Variants in FAS observed in about 807,000 individuals in gnomAD.
FAS encodes the protein tumor necrosis factor receptor superfamily member 6.
A neutral mutation model predicts 33.2 loss-of-function variants in FAS; 5 were observed. The ratio of observed to expected loss-of-function variants is 0.15; its 90% confidence interval spans 0.08 to 0.32. The LOEUF (loss-of-function observed/expected upper bound fraction) is 0.32. Among genes scored for constraint, FAS ranks in the 10% least tolerant of loss-of-function variants. FAS has a pLI of 1.00. For synonymous variants in FAS, 131 were observed against 130.7 expected, an observed-to-expected ratio of 1.00 and a Z score of -0.01; for missense variants, 339 against 386.0, an observed-to-expected ratio of 0.88 and a Z score of 1.02.
chr10:88,991,156 G>A, intron 1 of FAS: 1 of 595,018 alleles, frequency 1.7e-6, no homozygotes, highest in East Asian at 2.8e-5. Context: ...TGCTGACCCC[G>A]CTGGGCAGGC....
chr10:89,010,910 T>C, intron 6 of FAS, 95 bp downstream of exon 6: 1 of 1,402,424 alleles, frequency 7.1e-7, no homozygotes. Context: ...AGCTACCACT[T>C]TGGTAGATTT....
chr10:88,971,715 C>G (rs2133324361), intron 1 of FAS, among the ~76,000 whole-genome samples: 1 of 152,268 alleles, frequency 6.6e-6, no homozygotes, highest in South Asian at 2.1e-4. Flanking sequence ...GGAGTCCTAG[C>G]ATGTAATGGC....
At chr10:88,989,719 G>A (rs1847053577), upstream of FAS, 6 of 380,672 alleles carry the variant, frequency 1.6e-5, no homozygotes, top group South Asian at 9.9e-5. Context: ...AGTGGGCTAA[G>A]CAAAGGGTTA....
chr10:89,010,119 C>G (rs887861454), intron 4 of FAS, among the ~76,000 whole-genome samples: 4 of 152,184 alleles, frequency 2.6e-5, no homozygotes, highest in Non-Finnish European at 4.4e-5. Context: ...CCCTGAGCTA[C>G]ATCATGGGCG....
At chr10:88,967,982 A>G (rs1052287646) in intron 1 of FAS, among the ~76,000 whole-genome samples, 1 of 152,306 alleles carries the variant, frequency 6.6e-6, no homozygotes, top group Non-Finnish European at 1.5e-5. Context: ...TCAAACAACT[A>G]TAGTAACCAG....
rs142112029 is a variant in FAS at position 88,998,636 on chromosome 10, G to T, written c.31-4393G>T. On this transcript the variant is annotated intron_variant, in intron 1 of 8. Coordinates refer to ENST00000652046, the MANE Select transcript of FAS (RefSeq NM_000043.6). ...GGGAGTTGGGGGAGGACACAGTTTA[G>T]CCCATGACAGTCCTGAATCTCCTTT... 2.1e-4 allele frequency among the ~76,000 whole-genome samples: 32 copies of T among 152,252 alleles called. No homozygotes were observed. The East Asian group carries it at 3.5e-3, about 17-fold the overall frequency.
At chr10:88,970,936 C>T (rs999820574) in intron 1 of FAS, among the ~76,000 whole-genome samples, 1 of 151,656 alleles carries the variant, frequency 6.6e-6, no homozygotes, top group Non-Finnish European at 1.5e-5. Context: ...ATTTATACAT[C>T]CAAAAACTGA....
chr10:88,992,987 AT>A (rs1293954057), intron 1 of FAS, among the ~76,000 whole-genome samples: 2 of 152,230 alleles, frequency 1.3e-5, no homozygotes, highest in African/African-American at 4.8e-5. Context: ...ACAGAAGCAA[AT>A]TTTAATTCTA....
rs1297730539 is a variant in FAS at position 89,003,295 on chromosome 10, A to G, written c.196+101A>G. 2.3e-6 allele frequency: 3 copies of G among 1,302,948 alleles called. No individual in the cohort carries two copies. In the East Asian group the frequency reaches 7.3e-5, roughly 32 times the overall value. The allele number at this position is 1,302,948 out of a possible 1,614,324, so 80.7% of individuals were successfully genotyped here. A position where few individuals can be genotyped will look rare whatever the true frequency, so the allele number is the denominator to read the frequency against. ...TAATTTTACAGTTTTTGGTTCCCCT[A>G]TATTATATAACATAACTGAGAGAAA... On this transcript the variant is annotated intron_variant, in intron 2 of 8. Coordinates refer to ENST00000652046, the MANE Select transcript of FAS (RefSeq NM_000043.6).
At chr10:88,967,541 T>C (rs950496525) in intron 1 of FAS, among the ~76,000 whole-genome samples, 2 of 152,234 alleles carry the variant, frequency 1.3e-5, no homozygotes, top group African/African-American at 4.8e-5. Context: ...ACATGCATTT[T>C]ATGACAATCC....
intron 7 of FAS, chr10:89,012,346 T>A: frequency 5.4e-6 from 2 of 371,434 alleles, no homozygotes; most frequent in Non-Finnish European, 1.0e-5. Flanking sequence ...GTTAATTTTT[T>A]ATTTTTATTT....
chr10:88,992,859 A>G (rs3824729), intron 1 of FAS, among the ~76,000 whole-genome samples: 87,144 of 152,070 alleles, frequency 0.57, 26,319 homozygotes, highest in African/African-American at 0.78. Flanking sequence ...AAGAAGTTTC[A>G]ACACTCTTGT....
In FAS at chr10:89,007,848, TA is replaced by T. The variant is rs1848317046; in HGVS notation, c.334+15del. ...GTGATGAAGGACATGGTAAGAGTCTTAAAATGCAATTGAAAGAGGCCAATCT... is the reference window on the plus strand; with the variant it reads ...GTGATGAAGGACATGGTAAGAGTCTTAAATGCAATTGAAAGAGGCCAATCT... On this transcript the variant is annotated intron_variant, in intron 3 of 8. Transcript: ENST00000652046. 1.2e-6 allele frequency: 2 copies of T among 1,613,628 alleles called. No homozygotes were observed. Among genetic ancestry groups the T allele is most frequent in the Non-Finnish European group, 1.7e-6 (2 of 1,179,812 alleles).
Position 89,016,860 on chromosome 10 carries a change from C to T in FAS, c.*2410C>T, listed in dbSNP as rs552413267. 3.9e-4 allele frequency: 79 copies of T among 203,730 alleles called. No homozygotes were observed. The highest frequency in any genetic ancestry group is 1.8e-3 in the African/African-American group (78 of 43,760). 12.6% of individuals were successfully genotyped at this position (203,730 alleles called of 1,614,324 possible). ...TGGCATGCCCACAGGGTCTTCTGAC[C>T]TCTGATTAGATCAGACACTTTTTAG... On this transcript the variant is annotated 3_prime_UTR_variant, in exon 9 of 9. Transcript: ENST00000652046.
At position 89,015,549 on chromosome 10, in the gene FAS, T is replaced by C. The variant is rs1227219016; in HGVS notation, c.*1099T>C. ...TGTCATACCCCCAAGTTTCTAAGAT[T>C]TAAGATTCTCCTTACTACTATCCTA... On this transcript the variant is annotated 3_prime_UTR_variant, in exon 9 of 9. Coordinates refer to ENST00000652046, the MANE Select transcript of FAS (RefSeq NM_000043.6). 2 of 534,326 alleles carry C rather than the reference T, an allele frequency of 3.7e-6. No homozygotes were observed. The highest frequency in any genetic ancestry group is 7.2e-6 in the Non-Finnish European group (2 of 276,538). The allele number at this position is 534,326 out of a possible 1,614,324, so 33.1% of individuals were successfully genotyped here. A position where few individuals can be genotyped will look rare whatever the true frequency, so the allele number is the denominator to read the frequency against.
At chr10:88,989,515 A>G (rs766297630), upstream of FAS, 4 of 544,126 alleles carry the variant, frequency 7.4e-6, no homozygotes, top group African/African-American at 1.9e-5. Context: ...GGTCTTCCTC[A>G]TGGCACTAAC....
At chr10:89,010,703 C>G (rs1299617017) in intron 5 of FAS, 50 bp from the exon 6 acceptor site, 1 of 1,610,752 alleles carries the variant, frequency 6.2e-7, no homozygotes, top group East Asian at 2.2e-5. Context: ...TTTATTTAAT[C>G]TTAAAGATTG....
chr10:88,978,082 AGTTCATGTCCTTT>A (rs1336372232), intron 2 of FAS, among the ~76,000 whole-genome samples: 1 of 65,898 alleles, frequency 1.5e-5, no homozygotes, highest in Non-Finnish European at 3.0e-5. Flanking sequence ...AAAAATGATG[AGTTCATGTCCTTT>A]GTAGGGACAT....
In FAS at chr10:89,007,682, C is replaced by T. The variant is rs765687911; in HGVS notation, c.197-18C>T. 1.2e-6 allele frequency: 2 copies of T among 1,610,902 alleles called. No homozygotes were observed. Among genetic ancestry groups the T allele is most frequent in the Non-Finnish European group, 1.7e-6 (2 of 1,178,090 alleles). ...CCCGTGTCCTGTTCAAACACTTGCT[C>T]CTTTTTTCCTTGGGCAGGTGAAAGG... On this transcript the variant is annotated intron_variant, in intron 2 of 8. Coordinates refer to ENST00000652046, the MANE Select transcript of FAS (RefSeq NM_000043.6).
Sources: allele counts gnomAD v4.1 joint callset (sites outside exome capture counted in the v4.1 genomes callset), GRCh38; gene constraint gnomAD v4.1.1; transcripts MANE v1.5; gene names NCBI Gene and HGNC (gene_info 2026-07-23, HGNC 2026-07-21).